EBF4: variants seen among roughly 807,000 people sequenced by gnomAD.
The protein encoded by EBF4 is transcription factor COE4.
EBF4 carries 34 observed loss-of-function variants against 67.1 expected under a neutral mutation model. That is an observed-to-expected ratio of 0.51 (90% CI 0.39 to 0.67). EBF4 has a LOEUF of 0.67. Among genes scored for constraint, EBF4 ranks in the 30% least tolerant of loss-of-function variants. The pLI, the probability that EBF4 is intolerant of heterozygous loss-of-function variation, is 0.00. For missense variants in EBF4, 837 were observed against 873.3 expected (o/e 0.96, Z 0.52); for synonymous variants, 387 against 377.7 (o/e 1.02, Z -0.29).
At chr20:2,736,676 T>G (rs2087881428) in intron 6 of EBF4, among the ~76,000 whole-genome samples, 1 of 152,206 alleles carries the variant, frequency 6.6e-6, no homozygotes, top group African/African-American at 2.4e-5. Context: ...TCTTGCCACC[T>G]GAATGCACTG....
chr20:2,743,846 A>G (rs1335867522), intron 6 of EBF4, among the ~76,000 whole-genome samples: 2 of 152,162 alleles, frequency 1.3e-5, no homozygotes, highest in East Asian at 1.9e-4. Flanking sequence ...AAAGTATACA[A>G]TGTGTGGTGA....
At chr20:2,697,290 A>C (rs1462846864) in intron 1 of EBF4, among the ~76,000 whole-genome samples, 1 of 152,130 alleles carries the variant, frequency 6.6e-6, no homozygotes, top group African/African-American at 2.4e-5. Context: ...TCACGCCTGT[A>C]ATCCCAGCAC....
At position 2,739,847 on chromosome 20, in the gene EBF4, T is replaced by G. The variant is rs920319750; in HGVS notation, c.558-8702T>G. On this transcript the variant is annotated intron_variant, in intron 6 of 16. Transcript: ENST00000609451. The surrounding 1 kb of genome is among the most constrained non-coding windows in gnomAD (Gnocchi z 4.5). Reference sequence around the variant, plus strand: ...TTTGGGCTTGGAAACACATATCCAATTTAATCTACCCTTCACTCTTAACCT... The same window carrying G: ...TTTGGGCTTGGAAACACATATCCAAGTTAATCTACCCTTCACTCTTAACCT... Among the ~76,000 whole-genome samples the G allele has an allele frequency of 6.6e-6, 1 of 152,242 alleles. No homozygotes were observed. The highest frequency in any genetic ancestry group is 6.5e-5 in the Admixed American group (1 of 15,286).
chr20:2,710,658 G>A (rs2087530499), intron 6 of EBF4, among the ~76,000 whole-genome samples: 1 of 151,596 alleles, frequency 6.6e-6, no homozygotes, highest in South Asian at 2.1e-4. Context: ...ATTCATAGGT[G>A]CAAAAATTCA....
chr20:2,746,492 G>C (rs560415599), intron 6 of EBF4, among the ~76,000 whole-genome samples: 1 of 152,216 alleles, frequency 6.6e-6, no homozygotes, highest in Admixed American at 6.5e-5. Context: ...GTATCTCTAG[G>C]AAGGTGACTG....
At chr20:2,736,793 C>T (rs111647608) in intron 6 of EBF4, among the ~76,000 whole-genome samples, 46 of 151,876 alleles carry the variant, frequency 3.0e-4, no homozygotes, top group African/African-American at 9.0e-4. Flanking sequence ...TCATGTGCTC[C>T]GAAGGTCATA....
intron 4 of EBF4, among the ~76,000 whole-genome samples, chr20:2,706,859 G>C (rs2087465895): frequency 1.3e-5 from 2 of 152,202 alleles, no homozygotes; most frequent in African/African-American, 4.8e-5. Context: ...ACAGCCCTGG[G>C]AATTTCCACT....
intron 6 of EBF4, among the ~76,000 whole-genome samples, chr20:2,723,571 C>G (rs193051617): frequency 0.019 from 2,939 of 151,976 alleles, 77 homozygotes; most frequent in African/African-American, 0.06. Flanking sequence ...GGATGGTCTC[C>G]ATCTCCTGAC....
At chr20:2,724,512 G>A (rs145513938) in intron 6 of EBF4, among the ~76,000 whole-genome samples, 2 of 152,240 alleles carry the variant, frequency 1.3e-5, no homozygotes, top group East Asian at 3.9e-4. Flanking sequence ...GTCTTTGTAT[G>A]ACTCCGTTTC....
chr20:2,754,860 A>G (rs1385128617), intron 14 of EBF4, among the ~76,000 whole-genome samples: 1 of 151,724 alleles, frequency 6.6e-6, no homozygotes. Context: ...CCAGGAGGGC[A>G]AGCCGCAGCC....
chr20:2,739,438 CA>C lies in EBF4; in HGVS notation c.558-9107del, dbSNP rs1362559475. Among the ~76,000 whole-genome samples the C allele has an allele frequency of 1.3e-5, 2 of 152,150 alleles. No homozygotes were observed. Among genetic ancestry groups the C allele is most frequent in the East Asian group, 1.9e-4 (1 of 5,194 alleles). ...TAGGAAGCATTCCGCCTCCCCTAGG[CA>C]AAATAAGTGGCCACTGCAGATTACA... On this transcript the variant is annotated intron_variant, in intron 6 of 16. Transcript: ENST00000609451. This position sits in a 1 kb window ranked among gnomAD's most constrained non-coding sequence, Gnocchi z 4.5.
chr20:2,716,730 G>T (rs2087615775), intron 6 of EBF4, among the ~76,000 whole-genome samples: 2 of 152,124 alleles, frequency 1.3e-5, no homozygotes, highest in African/African-American at 2.4e-5. Flanking sequence ...TTATTAAATA[G>T]CTCATCCTTT....
At chr20:2,699,886 G>A (rs2087349501) in intron 1 of EBF4, among the ~76,000 whole-genome samples, 1 of 152,182 alleles carries the variant, frequency 6.6e-6, no homozygotes. Flanking sequence ...CGTACCCCAG[G>A]CCTCTGAATG....
rs186116807 is a variant in EBF4, at chr20:2,721,686, C to T, written c.557+12044C>T. Among the ~76,000 whole-genome samples the T allele has an allele frequency of 5.7e-4, 87 of 152,274 alleles. 2 individuals carry two copies. Among genetic ancestry groups the T allele is most frequent in the Middle Eastern group, 6.8e-3 (2 of 294 alleles). On this transcript the variant is annotated intron_variant, in intron 6 of 16. Coordinates refer to ENST00000609451, the Ensembl canonical transcript of EBF4. ...GCCAGGCTGGTCTCGAAATCCTGAC[C>T]TCAGGTGACCCGCCTGCCTCAGCCT...
chr20:2,749,730 G>A (rs759803778), exon 9 of EBF4: 2 of 1,549,532 alleles, frequency 1.3e-6, no homozygotes, highest in Non-Finnish European at 1.7e-6. Flanking sequence ...GGTCGTGTTC[G>A]GAAACGTGCT....
rs768027331 is a variant in EBF4, at chr20:2,751,938, G to A, written c.1124G>A (p.Arg375Gln). Residue 375 changes from arginine to glutamine, a missense_variant, in exon 12 of 17, where the codon CGG (arginine) becomes CAG (glutamine). Physicochemically the swap from Arg to Gln is conservative, Grantham distance 43 (BLOSUM62 1). Transcript: ENST00000609451. This position sits in a 1 kb window ranked among gnomAD's most constrained non-coding sequence, Gnocchi z 5.2. The stretch of plus-strand genomic sequence containing the variant: ...TGTCCCCAGGAAGTGCTGCTGAAGC[G>A]GGCGGCCGACTTGGCAGAAGCCCTG... The A allele has an allele frequency of 6.5e-7, 1 of 1,549,230 alleles. No homozygotes were observed. Among genetic ancestry groups the A allele is most frequent in the Non-Finnish European group, 8.7e-7 (1 of 1,146,784 alleles).
At chr20:2,697,206 C>T (rs1470527295) in intron 1 of EBF4, among the ~76,000 whole-genome samples, 1 of 152,140 alleles carries the variant, frequency 6.6e-6, no homozygotes, top group Non-Finnish European at 1.5e-5. Context: ...CTGCTAAGAT[C>T]AGCGAGGGAG....
rs1183961092 is a variant in EBF4, at chr20:2,693,846, T to TTGCTGGAGC, written c.137+74_137+82dup. On this transcript the variant is annotated intron_variant, in intron 1 of 16. Coordinates refer to ENST00000609451, the Ensembl canonical transcript of EBF4. This position sits in a 1 kb window ranked among gnomAD's most constrained non-coding sequence, Gnocchi z 4.6. ...CGGCTGCGCGCCGCCTCAGCTCAGC[T>TTGCTGGAGC]TGCTGGAGCTGCTGGAGCCAGGGGC... The TTGCTGGAGC allele has an allele frequency of 2.2e-5, 27 of 1,253,976 alleles. No homozygotes were observed. Among genetic ancestry groups the TTGCTGGAGC allele is most frequent in the Non-Finnish European group, 2.7e-5 (27 of 998,830 alleles). 77.7% of individuals were successfully genotyped at this position (1,253,976 alleles called of 1,614,324 possible).
intron 6 of EBF4, among the ~76,000 whole-genome samples, chr20:2,748,027 G>A (rs904868425): frequency 6.6e-6 from 1 of 152,142 alleles, no homozygotes; most frequent in Admixed American, 6.5e-5. Flanking sequence ...TACATGGTGT[G>A]GGTGATGGGT....
Sources: gnomAD v4.1 joint callset for allele counts (sites outside exome capture counted in the v4.1 genomes callset) on GRCh38, gnomAD v4.1.1 for gene constraint, Gnocchi (gnomAD v3.1) non-coding constraint, MANE v1.5 for transcripts, NCBI Gene and HGNC (gene_info 2026-07-23, HGNC 2026-07-21) for gene names.